The following STYXL1 variants were observed in gnomAD, a reference collection of about 807,000 sequenced individuals.
STYXL1 encodes the protein serine/threonine/tyrosine-interacting-like protein 1.
STYXL1 carries 32 observed loss-of-function variants against 36.4 expected under a neutral mutation model. The observed-to-expected ratio is 0.88, with a 90% CI of 0.66 to 1.18. The LOEUF (loss-of-function observed/expected upper bound fraction) is 1.18. Ranked by LOEUF, STYXL1 falls within the 50% of genes most tolerant of loss-of-function variation. The pLI is 0.00. For missense variants in STYXL1, 354 were observed against 394.1 expected, an observed-to-expected ratio of 0.90 and a Z score of 0.86; for synonymous variants, 133 against 144.1, an observed-to-expected ratio of 0.92 and a Z score of 0.55.
chr7:76,009,601 G>GCCA (rs1792302879), intron 5 of STYXL1, among the ~76,000 whole-genome samples: 2 of 152,264 alleles, frequency 1.3e-5, no homozygotes, highest in African/African-American at 4.8e-5. Flanking sequence ...AGTAGAGATG[G>GCCA]GGTTTCACCA....
chr7:76,003,081 T>TC (rs1791196365), intron 7 of STYXL1, among the ~76,000 whole-genome samples: 1 of 151,990 alleles, frequency 6.6e-6, no homozygotes, highest in Middle Eastern at 3.2e-3. Context: ...GATCTTACTC[T>TC]CCTCTGGCAA....
chr7:76,028,663 G>A lies in STYXL1; in HGVS notation c.144C>T (p.Ile48=), dbSNP rs1432458829. The change falls in exon 3 of 9, where the codon ATC becomes ATT. Residue 48 remains isoleucine (I), a synonymous_variant. Transcript: ENST00000359697. ...SKWEYDESHV[I]TALRVKKKNN... ...GTACCTTCTTCACTCGAAGGGCAGT[G>A]ATCACATGGCTTTCGTCATACTCCC... 6.8e-6 allele frequency: 11 copies of A among 1,613,998 alleles called. No homozygotes were observed. Among genetic ancestry groups the A allele is most frequent in the Non-Finnish European group, 9.3e-6 (11 of 1,180,008 alleles).
chr7:76,000,392 T>C, intron 8 of STYXL1: 1 of 456,666 alleles, frequency 2.2e-6, no homozygotes, highest in Non-Finnish European at 4.4e-6. Flanking sequence ...TATCAAGCCC[T>C]CTGGGGATCA....
chr7:76,035,357 T>C (rs1206939378), intron 1 of STYXL1, among the ~76,000 whole-genome samples: 1 of 150,710 alleles, frequency 6.6e-6, no homozygotes, highest in Admixed American at 6.6e-5. Context: ...CCTGAAGTTA[T>C]TGTGCTTATT....
At chr7:76,005,786 G>A (rs1563467410) in intron 5 of STYXL1, among the ~76,000 whole-genome samples, 1 of 151,454 alleles carries the variant, frequency 6.6e-6, no homozygotes, top group Non-Finnish European at 1.5e-5. Context: ...AAGACCACCA[G>A]AATTTAAGCA....
chr7:76,014,632 T>TG (rs1649718919), intron 4 of STYXL1, among the ~76,000 whole-genome samples: 1 of 152,024 alleles, frequency 6.6e-6, no homozygotes, highest in South Asian at 2.1e-4. Context: ...AGATTACAGG[T>TG]GTGCTCAGCC....
chr7:76,033,138 G>A (rs1336087542), intron 1 of STYXL1, among the ~76,000 whole-genome samples: 1 of 152,020 alleles, frequency 6.6e-6, no homozygotes, highest in East Asian at 1.9e-4. Flanking sequence ...GCTTCCTGTA[G>A]GAAGGCTTTT....
intron 1 of STYXL1, among the ~76,000 whole-genome samples, chr7:76,036,782 CTT>C (rs71082378): frequency 3.0e-5 from 3 of 101,596 alleles, no homozygotes; most frequent in East Asian, 2.7e-4. Flanking sequence ...CAGTATAGCT[CTT>C]TTTTTTTTTT....
intron 5 of STYXL1, among the ~76,000 whole-genome samples, chr7:76,008,477 C>G (rs1001567479): frequency 1.3e-5 from 2 of 152,114 alleles, no homozygotes; most frequent in Non-Finnish European, 2.9e-5. Context: ...CCCTTCCCCA[C>G]GGCAGTGAAC....
intron 7 of STYXL1, among the ~76,000 whole-genome samples, chr7:76,001,363 G>A (rs1401757712): frequency 6.6e-6 from 1 of 152,228 alleles, no homozygotes; most frequent in African/African-American, 2.4e-5. Flanking sequence ...GACAGAGCCA[G>A]TGTAGCCTGA....
chr7:76,035,828 T>C (rs1306185953), intron 1 of STYXL1, among the ~76,000 whole-genome samples: 1 of 149,844 alleles, frequency 6.7e-6, no homozygotes, highest in Non-Finnish European at 1.5e-5. Flanking sequence ...AAGAATCATC[T>C]CTGGTCCTAT....
rs541041349 is a variant in STYXL1 at position 76,021,078 on chromosome 7, G to T, written c.307+773C>A. On this transcript the variant is annotated intron_variant, in intron 4 of 8. Coordinates refer to ENST00000359697, the MANE Select transcript of STYXL1 (RefSeq NM_001317785.2). Reference sequence around the variant, plus strand: ...AGAATCACATAAGACCCTGTTACAAGAATTTTTTTTTTTTTTTGAGAAGGA... The same window carrying T: ...AGAATCACATAAGACCCTGTTACAATAATTTTTTTTTTTTTTTGAGAAGGA... Among the ~76,000 whole-genome samples the T allele has an allele frequency of 8.3e-5, 12 of 145,058 alleles. No homozygotes were observed. The South Asian group carries it at 1.5e-3, about 18-fold the overall frequency.
chr7:76,026,746 G>A (rs565185334), intron 3 of STYXL1, among the ~76,000 whole-genome samples: 74 of 152,330 alleles, frequency 4.9e-4, no homozygotes, highest in African/African-American at 1.8e-3. Flanking sequence ...AAATGAAGGT[G>A]AACCAAAGAG....
chr7:76,042,387 G>A (rs1352589799), intron 1 of STYXL1, among the ~76,000 whole-genome samples: 1 of 28,170 alleles, frequency 3.5e-5, no homozygotes, highest in Non-Finnish European at 1.3e-4. Context: ...GTGCCCTTAT[G>A]TGCTTTTTTT....
At chr7:76,020,790 T>A (rs1433856034) in intron 4 of STYXL1, among the ~76,000 whole-genome samples, 1 of 151,170 alleles carries the variant, frequency 6.6e-6, no homozygotes, top group Non-Finnish European at 1.5e-5. Context: ...GGACTACAGG[T>A]ATGAGTCACT....
At chr7:76,033,451 T>A (rs1247449126) in intron 1 of STYXL1, among the ~76,000 whole-genome samples, 2 of 152,170 alleles carry the variant, frequency 1.3e-5, no homozygotes, top group Non-Finnish European at 2.9e-5. Context: ...TGGCCAGCTA[T>A]CTTTTAGCAA....
At chr7:76,029,182 C>G (rs1380737594) in intron 2 of STYXL1, among the ~76,000 whole-genome samples, 1 of 151,994 alleles carries the variant, frequency 6.6e-6, no homozygotes, top group Non-Finnish European at 1.5e-5. Flanking sequence ...CACACTAAAT[C>G]CCCATCCAGG....
intron 4 of STYXL1, among the ~76,000 whole-genome samples, chr7:76,014,808 A>G (rs995841983): frequency 2.6e-5 from 4 of 152,138 alleles, no homozygotes; most frequent in Non-Finnish European, 5.9e-5. Context: ...TACCACATAT[A>G]TATGTCAACT....
intron 3 of STYXL1, among the ~76,000 whole-genome samples, chr7:76,023,526 GC>G: frequency 1.4e-4 from 22 of 151,816 alleles, no homozygotes; most frequent in African/African-American, 5.3e-4. Context: ...ACCATACTTG[GC>G]TAATTTATAT....
Sources: gnomAD v4.1 joint callset for allele counts (sites outside exome capture counted in the v4.1 genomes callset) on GRCh38, gnomAD v4.1.1 for gene constraint, MANE v1.5 for transcripts, NCBI Gene and HGNC (gene_info 2026-07-23, HGNC 2026-07-21) for gene names.